ESR2: variants seen among roughly 807,000 people sequenced by gnomAD.
The protein encoded by ESR2 is estrogen receptor beta.
ESR2 carries 36 observed loss-of-function variants against 49.6 expected under a neutral mutation model. The observed-to-expected ratio is 0.73, with a 90% CI of 0.56 to 0.96. The LOEUF (loss-of-function observed/expected upper bound fraction) is 0.96, where lower values mean the gene tolerates loss of function less well. ESR2 is among the 40% of genes least tolerant of loss of function. The probability of loss-of-function intolerance (pLI) is 0.00; values close to 1 mark genes in which losing one functional copy is unlikely to be tolerated. For missense variants in ESR2, 714 were observed against 693.0 expected (o/e 1.03, Z -0.34); for synonymous variants, 320 against 266.1 (o/e 1.20, Z -1.97).
At chr14:64,260,772 C>A (rs757341644) in intron 4 of ESR2, 24 bp from the exon 5 acceptor site, 5 of 1,433,914 alleles carry the variant, frequency 3.5e-6, no homozygotes, top group Non-Finnish European at 3.7e-6. Flanking sequence ...CAGAGTCATT[C>A]GAATTGCCAG....
intron 8 of ESR2, 106 bp from the exon 9 acceptor site, chr14:64,233,429 A>G (rs2098729256): frequency 9.5e-7 from 1 of 1,051,002 alleles, no homozygotes; most frequent in African/African-American, 1.6e-5. Context: ...CCCACCCCTA[A>G]ACCCACTCTT....
intron 5 of ESR2, among the ~76,000 whole-genome samples, chr14:64,257,781 G>T (rs1162589317): frequency 1.3e-5 from 2 of 152,082 alleles, no homozygotes; most frequent in Non-Finnish European, 2.9e-5. Context: ...GTAGGTGGAG[G>T]TTGGGGTTGG....
intron 2 of ESR2, 73 bp from the exon 3 acceptor site, chr14:64,280,226 AGC>A: frequency 1.1e-6 from 1 of 935,898 alleles, no homozygotes; most frequent in East Asian, 2.4e-5. Context: ...AAAAAAAAAT[AGC>A]ATGAACATTG....
In ESR2 at chr14:64,260,521, T is replaced by C. The variant is rs762875795; in HGVS notation, c.880A>G (p.Met294Val). 1.3e-6 allele frequency: 2 copies of C among 1,556,144 alleles called. No individual in the cohort carries two copies. Among genetic ancestry groups the C allele is most frequent in the East Asian group, 2.3e-5 (1 of 44,146 alleles). The part of the protein sequence containing the change: ...RPSAPFTEAS[M>V]MMSLTKLADK... ...GCCAACTTGGTCAGGGACATCATCA[T>C]GGAGGCCTCGGTGAAGGGCGCACTG... Residue 294 changes from methionine to valine, a missense_variant, in exon 5 of 9, where the codon ATG becomes GTG. By Grantham distance (21) the Met-to-Val change is conservative. Coordinates refer to ENST00000341099, the MANE Select transcript of ESR2 (RefSeq NM_001437.3).
At position 64,242,455 on chromosome 14, in the gene ESR2, T is replaced by A. The variant is rs779142900; in HGVS notation, c.1225+7091A>T. ...AACAAACAAACAAACAAAAAAAATA[T>A]ATATATATATATAAAATCATATGGT... On this transcript the variant is annotated intron_variant, in intron 7 of 8. Coordinates refer to ENST00000341099, the MANE Select transcript of ESR2 (RefSeq NM_001437.3). Among the ~76,000 whole-genome samples, 490 of 146,378 alleles carry A rather than the reference T, an allele frequency of 3.3e-3. 2 individuals carry two copies. The highest frequency in any genetic ancestry group is 9.7e-3 in the African/African-American group (376 of 38,724).
In ESR2 at chr14:64,231,983, A is replaced by C. The variant is rs2098727673; in HGVS notation, c.*1154T>G. 6.6e-6 allele frequency: 1 copy of C among 152,226 alleles called. No individual in the cohort carries two copies. The highest frequency in any genetic ancestry group is 1.5e-5 in the Non-Finnish European group (1 of 68,040). The allele number at this position is 152,226 out of a possible 1,614,324, so 9.4% of individuals were successfully genotyped here. On this transcript the variant is annotated 3_prime_UTR_variant, in exon 9 of 9. Transcript: ENST00000341099. ...TCCAATAAGAAAATATTTTTAAAAG[A>C]GCTCTCAAGTGTAAAAGAATTCTTT...
rs117922151 is a variant in ESR2, at chr14:64,332,020, T to C, written c.-91+5878A>G. On this transcript the variant is annotated intron_variant, in intron 1 of 8. Transcript: ENST00000358599. The stretch of plus-strand genomic sequence containing the variant: ...TCTGTAGTCTTATTTGAAACTGTGC[T>C]TAGAAGATGAAAAGGACAAAGACAT... Among the ~76,000 whole-genome samples the C allele has an allele frequency of 4.5e-3, 682 of 152,232 alleles. 16 individuals carry two copies. Among genetic ancestry groups the C allele is most frequent in the Admixed American group, 0.037 (570 of 15,292 alleles).
rs2076635061 is a variant in ESR2 at position 64,280,135 on chromosome 14, C to T, written c.381G>A (p.Lys127=). The change falls in exon 3 of 9, where the codon AAG becomes AAA. Residue 127 remains lysine, a synonymous_variant. Coordinates refer to ENST00000341099, the MANE Select transcript of ESR2 (RefSeq NM_001437.3). ...GGCTGGCGCAACGGTTCCCACTAAC[C>T]TTCCTTTTCAGTGTCTCTCTAGGGA... ...LPVNRETLKR[K]VSGNRCASPV... 2 of 1,613,872 alleles carry T rather than the reference C, an allele frequency of 1.2e-6. No homozygotes were observed. Among genetic ancestry groups the T allele is most frequent in the Admixed American group, 1.7e-5 (1 of 59,980 alleles).
chr14:64,288,584 G>A (rs1012773212), intron 1 of ESR2, among the ~76,000 whole-genome samples: 3 of 151,836 alleles, frequency 2.0e-5, no homozygotes, highest in East Asian at 2.0e-4. Context: ...TCTTGACCTC[G>A]TGACCCGCCC....
At chr14:64,271,638 C>T (rs2076448536) in intron 3 of ESR2, among the ~76,000 whole-genome samples, 1 of 152,302 alleles carries the variant, frequency 6.6e-6, no homozygotes, top group South Asian at 2.1e-4. Flanking sequence ...ATTTTTAGCT[C>T]CCACAAATAA....
At chr14:64,240,775 G>C (rs757012590) in intron 7 of ESR2, among the ~76,000 whole-genome samples, 2 of 152,120 alleles carry the variant, frequency 1.3e-5, no homozygotes, top group Non-Finnish European at 2.9e-5. Flanking sequence ...GTTCATTACT[G>C]TATTATAAAA....
At chr14:64,309,011 T>A (rs541062060) in intron 1 of ESR2, among the ~76,000 whole-genome samples, 2 of 150,810 alleles carry the variant, frequency 1.3e-5, no homozygotes, top group South Asian at 2.1e-4. Flanking sequence ...GAAAAGAAAA[T>A]GAAAAGAAAA....
intron 8 of ESR2, 39 bp from the exon 9 acceptor site, chr14:64,233,362 G>A (rs1456921275): frequency 6.3e-7 from 1 of 1,583,940 alleles, no homozygotes; most frequent in Non-Finnish European, 8.6e-7. Context: ...CCTCCTCCGA[G>A]GCAGCCACAG....
chr14:64,271,437 T>C (rs1453896028), intron 3 of ESR2, among the ~76,000 whole-genome samples: 1 of 152,234 alleles, frequency 6.6e-6, no homozygotes, highest in African/African-American at 2.4e-5. Context: ...GCAATTCTCC[T>C]GCCTCAGCCT....
chr14:64,332,818 AC>A (rs980393266), intron 1 of ESR2, among the ~76,000 whole-genome samples: 167 of 148,388 alleles, frequency 1.1e-3, no homozygotes, highest in African/African-American at 3.9e-3. Context: ...AAAAAAGGGT[AC>A]CGTATATGAT....
At chr14:64,327,967 A>G (rs1375374174) in intron 1 of ESR2, among the ~76,000 whole-genome samples, 1 of 151,714 alleles carries the variant, frequency 6.6e-6, no homozygotes, top group Non-Finnish European at 1.5e-5. Flanking sequence ...AGCACTTTGG[A>G]AGGGCAAAGC....
chr14:64,316,536 C>A (rs551752270), intron 1 of ESR2, among the ~76,000 whole-genome samples: 458 of 152,166 alleles, frequency 3.0e-3, no homozygotes, highest in Non-Finnish European at 5.7e-3. Context: ...TGGCCAGGCA[C>A]GGTGGCTCTT....
chr14:64,269,063 A>C, intron 3 of ESR2, 152 bp from the exon 4 acceptor site: 3 of 564,992 alleles, frequency 5.3e-6, no homozygotes, highest in African/African-American at 1.9e-5. Flanking sequence ...GTCAAGCTAC[A>C]TTGTCACCTT....
At chr14:64,296,122 C>T (rs537694572), upstream of ESR2, among the ~76,000 whole-genome samples, 28 of 151,334 alleles carry the variant, frequency 1.9e-4, no homozygotes, top group African/African-American at 6.6e-4. Context: ...AAATGGAAAC[C>T]GTCATGAAGG....
Sources: gnomAD v4.1 joint callset for allele counts (sites outside exome capture counted in the v4.1 genomes callset) on GRCh38, gnomAD v4.1.1 for gene constraint, MANE v1.5 for transcripts, NCBI Gene and HGNC (gene_info 2026-07-23, HGNC 2026-07-21) for gene names.